ANKS1B: variants seen among roughly 807,000 people sequenced by gnomAD.
ANKS1B encodes the protein ankyrin repeat and sterile alpha motif domain-containing protein 1B.
A neutral mutation model predicts 148.3 loss-of-function variants in ANKS1B; 36 were observed. The observed-to-expected ratio is 0.24, with a 90% CI of 0.19 to 0.32. ANKS1B has a LOEUF of 0.32. Ranked by LOEUF, ANKS1B falls within the 10% of genes least tolerant of loss-of-function variation. ANKS1B has a pLI of 1.00. For synonymous variants in ANKS1B, 542 were observed against 560.8 expected (o/e 0.97, Z 0.47); for missense variants, 1,157 against 1,542.6 (o/e 0.75, Z 4.19).
intron 8 of ANKS1B, among the ~76,000 whole-genome samples, chr12:99,763,666 GAA>G (rs1282593762): frequency 7.3e-6 from 1 of 137,054 alleles, no homozygotes. Context: ...ATAAAAGCTG[GAA>G]AAAAAAAAAC....
rs190455717 is a variant in ANKS1B, at chr12:99,319,785, A to C, written c.1757-72921T>G. On this transcript the variant is annotated intron_variant, in intron 12 of 26. Coordinates refer to ENST00000683438, the MANE Select transcript of ANKS1B (RefSeq NM_001352186.2). ...TTAGTTGATGCACTTTCTTCCTAGC[A>C]TCGATGGTCTTTACAATTTGGCACA... is the stretch of plus-strand genomic sequence containing the variant. Among the ~76,000 whole-genome samples the C allele has an allele frequency of 4.6e-3, 699 of 152,288 alleles. 4 individuals carry two copies. Among genetic ancestry groups the C allele is most frequent in the African/African-American group, 0.016 (656 of 41,562 alleles).
chr12:99,235,846 G>C (rs137861934), intron 14 of ANKS1B, among the ~76,000 whole-genome samples: 27 of 152,276 alleles, frequency 1.8e-4, no homozygotes, highest in South Asian at 8.3e-4. Flanking sequence ...CAACATAAGA[G>C]AAACAAGCAA....
At chr12:99,258,274 C>T (rs778402048) in intron 12 of ANKS1B, among the ~76,000 whole-genome samples, 14 of 151,796 alleles carry the variant, frequency 9.2e-5, no homozygotes, top group South Asian at 2.1e-4. Flanking sequence ...ATTGTATAAA[C>T]GAAGAACAAG....
chr12:99,011,064 G>A (rs1203336632), intron 17 of ANKS1B, among the ~76,000 whole-genome samples: 1 of 151,886 alleles, frequency 6.6e-6, no homozygotes, highest in South Asian at 2.1e-4. Flanking sequence ...CACAGAAAAT[G>A]CATACATAAC....
chr12:99,687,758 C>T (rs2098657787), intron 8 of ANKS1B, among the ~76,000 whole-genome samples: 1 of 152,156 alleles, frequency 6.6e-6, no homozygotes, highest in Admixed American at 6.6e-5. Flanking sequence ...TTTATATATA[C>T]ATAATATAAC....
intron 10 of ANKS1B, among the ~76,000 whole-genome samples, chr12:99,467,748 C>T (rs1282404050): frequency 6.6e-6 from 1 of 152,120 alleles, no homozygotes; most frequent in Non-Finnish European, 1.5e-5. Flanking sequence ...TGAAGGACCT[C>T]TTCAAGGAGA....
intron 17 of ANKS1B, among the ~76,000 whole-genome samples, chr12:99,010,602 G>A (rs1287137816): frequency 1.3e-5 from 2 of 152,044 alleles, no homozygotes; most frequent in African/African-American, 4.8e-5. Flanking sequence ...CTCAGAGGGT[G>A]AGAATCTGGC....
chr12:99,839,235 C>T (rs1020638118), intron 1 of ANKS1B, among the ~76,000 whole-genome samples: 13 of 151,998 alleles, frequency 8.6e-5, no homozygotes, highest in African/African-American at 2.9e-4. Flanking sequence ...TAAGTATAGT[C>T]AAATTGTCAA....
chr12:99,322,729 T>C (rs1366024439), intron 12 of ANKS1B, among the ~76,000 whole-genome samples: 1 of 152,082 alleles, frequency 6.6e-6, no homozygotes, highest in Non-Finnish European at 1.5e-5. Context: ...GTGATATGGT[T>C]TGGCTGTGTC....
At chr12:98,854,401 G>A (rs2099550396) in intron 17 of ANKS1B, among the ~76,000 whole-genome samples, 2 of 152,302 alleles carry the variant, frequency 1.3e-5, no homozygotes, top group Admixed American at 6.5e-5. Flanking sequence ...GATTTAAAAT[G>A]AGTAGATGAT....
At chr12:98,743,577 C>T (rs1176525895), downstream of ANKS1B, among the ~76,000 whole-genome samples, 1 of 152,162 alleles carries the variant, frequency 6.6e-6, no homozygotes, top group Non-Finnish European at 1.5e-5. Flanking sequence ...TTTCCCGTCC[C>T]TGCTCTGGTC....
chr12:99,696,246 T>C (rs2053890726), intron 8 of ANKS1B, among the ~76,000 whole-genome samples: 1 of 152,186 alleles, frequency 6.6e-6, no homozygotes, highest in Non-Finnish European at 1.5e-5. Context: ...AAGATACCTA[T>C]AAGATGATGT....
intron 12 of ANKS1B, among the ~76,000 whole-genome samples, chr12:99,335,233 T>C: frequency 1.3e-5 from 2 of 152,004 alleles, no homozygotes; most frequent in Non-Finnish European, 2.9e-5. Flanking sequence ...GGGTACATAG[T>C]AGATGTATAT....
At chr12:98,907,041 GTGTGTGTA>G (rs751365209) in intron 17 of ANKS1B, among the ~76,000 whole-genome samples, 12 of 128,370 alleles carry the variant, frequency 9.3e-5, no homozygotes, top group South Asian at 2.7e-4. Context: ...GTGTGTGTGT[GTGTGTGTA>G]TGTATGGTGA....
At chr12:99,640,890 A>G (rs1418966254) in intron 9 of ANKS1B, among the ~76,000 whole-genome samples, 2 of 152,152 alleles carry the variant, frequency 1.3e-5, no homozygotes, top group Non-Finnish European at 2.9e-5. Flanking sequence ...TATGGCATTT[A>G]TTTTTTCAGA....
intron 1 of ANKS1B, among the ~76,000 whole-genome samples, chr12:99,973,081 T>C (rs879449777): frequency 1.3e-5 from 2 of 152,186 alleles, no homozygotes; most frequent in African/African-American, 2.4e-5. Context: ...TTCAAAATAT[T>C]ACAGCTCAGT....
Position 98,814,231 on chromosome 12 carries a change from A to G in ANKS1B, c.3067-6313T>C, listed in dbSNP as rs2099121418. On this transcript the variant is annotated intron_variant, in intron 19 of 26. Transcript: ENST00000683438. ...CTGTAAAGAAGGAGAATAGTACTTG[A>G]CCTACTTATTTCACCAAGTTGTTGT... Among the ~76,000 whole-genome samples the G allele has an allele frequency of 2.0e-5, 3 of 152,162 alleles. No individual in the cohort carries two copies. In the South Asian group the frequency reaches 6.2e-4, roughly 31 times the overall value.
intron 9 of ANKS1B, among the ~76,000 whole-genome samples, chr12:99,646,634 C>CA (rs1469705975): frequency 8.9e-6 from 1 of 112,806 alleles, no homozygotes; most frequent in Non-Finnish European, 1.6e-5. Context: ...GCCCGGGTGA[C>CA]AGAGTGAGAC....
At chr12:99,717,093 C>G (rs1001332899) in intron 8 of ANKS1B, among the ~76,000 whole-genome samples, 3 of 152,182 alleles carry the variant, frequency 2.0e-5, no homozygotes, top group African/African-American at 7.2e-5. Context: ...AATATAAAAA[C>G]TCAGCCCAGT....
Sources: gnomAD v4.1 joint callset for allele counts (sites outside exome capture counted in the v4.1 genomes callset) on GRCh38, gnomAD v4.1.1 for gene constraint, MANE v1.5 for transcripts, NCBI Gene and HGNC (gene_info 2026-07-23, HGNC 2026-07-21) for gene names.